STX18: variants seen among roughly 807,000 people sequenced by gnomAD.
The protein encoded by STX18 is syntaxin 18.
In STX18, 40 loss-of-function variants were observed where a neutral mutation model predicts 50.1. The observed-to-expected ratio is 0.80, with a 90% CI of 0.62 to 1.04. The LOEUF is 1.04. Ranked by LOEUF, STX18 falls within the 50% of genes least tolerant of loss-of-function variation. STX18 has a pLI of 0.00. For missense variants in STX18, 410 were observed against 415.8 expected (o/e 0.99, Z 0.12); for synonymous variants, 158 against 151.8 (o/e 1.04, Z -0.30).
intron 1 of STX18, among the ~76,000 whole-genome samples, chr4:4,506,677 T>C (rs563339620): frequency 2.6e-5 from 4 of 152,358 alleles, no homozygotes; most frequent in Admixed American, 6.5e-5. Flanking sequence ...CATTGAACTC[T>C]ATAGATACTA....
chr4:4,442,057 G>A (rs957805332), intron 5 of STX18, among the ~76,000 whole-genome samples: 1 of 152,088 alleles, frequency 6.6e-6, no homozygotes, highest in African/African-American at 2.4e-5. Context: ...TTAGGAAGGG[G>A]AGGCAATAAT....
At chr4:4,519,619 C>G (rs986753403) in intron 1 of STX18, among the ~76,000 whole-genome samples, 1 of 152,120 alleles carries the variant, frequency 6.6e-6, no homozygotes, top group South Asian at 2.1e-4. Context: ...CTGAGAAGAA[C>G]TGAACACTAT....
intron 2 of STX18, among the ~76,000 whole-genome samples, chr4:4,464,533 CT>C (rs1340186397): frequency 6.6e-6 from 1 of 152,184 alleles, no homozygotes; most frequent in Non-Finnish European, 1.5e-5. Flanking sequence ...CTCCTTCTTG[CT>C]TTACCTAGGT....
intron 9 of STX18, 126 bp from the exon 10 acceptor site, chr4:4,421,070 C>G: frequency 1.1e-6 from 1 of 882,952 alleles, no homozygotes; most frequent in South Asian, 1.5e-5. Flanking sequence ...TTTTGGAGCA[C>G]TTAGGACTTC....
intron 1 of STX18, among the ~76,000 whole-genome samples, chr4:4,509,249 C>A (rs566448844): frequency 1.3e-5 from 2 of 152,272 alleles, no homozygotes; most frequent in South Asian, 4.2e-4. Flanking sequence ...TTAGTAATCG[C>A]CATTCTAACT....
At chr4:4,540,517 T>A (rs528844696) in intron 1 of STX18, among the ~76,000 whole-genome samples, 39 of 152,328 alleles carry the variant, frequency 2.6e-4, no homozygotes, top group Non-Finnish European at 3.7e-4. Flanking sequence ...TCTTTCAAGA[T>A]TTGTTTTAGG....
intron 1 of STX18, among the ~76,000 whole-genome samples, chr4:4,512,474 T>C (rs1730049426): frequency 1.3e-5 from 2 of 151,920 alleles, no homozygotes; most frequent in Admixed American, 6.6e-5. Context: ...GAAGCCAGAG[T>C]GGGGATGAGT....
chr4:4,527,332 G>A (rs1360587655), intron 1 of STX18, among the ~76,000 whole-genome samples: 1 of 152,184 alleles, frequency 6.6e-6, no homozygotes, highest in Non-Finnish European at 1.5e-5. Context: ...AAAGGGTTGA[G>A]TGTGGGTAAT....
intron 1 of STX18, among the ~76,000 whole-genome samples, chr4:4,472,298 T>G (rs1482422247): frequency 1.3e-5 from 2 of 152,212 alleles, no homozygotes; most frequent in Admixed American, 6.5e-5. Flanking sequence ...AAACCTATTC[T>G]AAAGCACCTA....
intron 1 of STX18, among the ~76,000 whole-genome samples, chr4:4,494,414 A>C (rs376747993): frequency 6.6e-6 from 1 of 152,200 alleles, no homozygotes; most frequent in South Asian, 2.1e-4. Flanking sequence ...GTGATTTTTC[A>C]TATCCAAGTC....
intron 1 of STX18, among the ~76,000 whole-genome samples, chr4:4,483,469 T>A (rs1019039853): frequency 6.6e-6 from 1 of 152,208 alleles, no homozygotes; most frequent in East Asian, 1.9e-4. Context: ...AGCCCCAACT[T>A]ACTAACTTCA....
intron 5 of STX18, among the ~76,000 whole-genome samples, chr4:4,440,853 T>C (rs955149670): frequency 2.6e-5 from 4 of 152,236 alleles, no homozygotes; most frequent in African/African-American, 9.6e-5. Context: ...GTGAGATTTA[T>C]TACTGATCAC....
intron 1 of STX18, among the ~76,000 whole-genome samples, chr4:4,514,659 C>T (rs773227820): frequency 3.3e-5 from 5 of 152,050 alleles, no homozygotes; most frequent in African/African-American, 4.8e-5. Context: ...AAGGAGCTTA[C>T]AATCCAGTGA....
chr4:4,463,791 T>C (rs566149933), intron 2 of STX18, among the ~76,000 whole-genome samples: 89 of 152,324 alleles, frequency 5.8e-4, no homozygotes, highest in African/African-American at 1.9e-3. Context: ...GTTAACCAAC[T>C]ATTTTTAACT....
At chr4:4,532,327 G>C (rs992608255) in intron 1 of STX18, among the ~76,000 whole-genome samples, 1 of 152,014 alleles carries the variant, frequency 6.6e-6, no homozygotes, top group Non-Finnish European at 1.5e-5. Context: ...TTTATAATCA[G>C]ATTTTAAAAT....
At chr4:4,467,773 G>A (rs893045895) in intron 2 of STX18, among the ~76,000 whole-genome samples, 5 of 151,982 alleles carry the variant, frequency 3.3e-5, no homozygotes, top group Non-Finnish European at 7.4e-5. Context: ...AGCTAGGGAG[G>A]TAGATAGAAC....
intron 1 of STX18, among the ~76,000 whole-genome samples, chr4:4,522,311 A>G (rs1730543428): frequency 6.6e-6 from 1 of 152,162 alleles, no homozygotes; most frequent in Non-Finnish European, 1.5e-5. Context: ...CTGAATACTG[A>G]TCTATTTTAA....
At chr4:4,484,064 A>G (rs35096008) in intron 1 of STX18, among the ~76,000 whole-genome samples, 26,411 of 151,974 alleles carry the variant, frequency 0.17, 2,368 homozygotes, top group Non-Finnish European at 0.19. Context: ...GGGTTTCACC[A>G]TGTTAGCCAG....
At chr4:4,426,971 G>T (rs1725271536) in intron 7 of STX18, among the ~76,000 whole-genome samples, 1 of 152,134 alleles carries the variant, frequency 6.6e-6, no homozygotes, top group Non-Finnish European at 1.5e-5. Flanking sequence ...CATCTTCCTA[G>T]CGATCTGATA....
Sources: allele counts gnomAD v4.1 joint callset (sites outside exome capture counted in the v4.1 genomes callset), GRCh38; gene constraint gnomAD v4.1.1; transcripts MANE v1.5; gene names NCBI Gene and HGNC (gene_info 2026-07-23, HGNC 2026-07-21).